RAVER1: variants seen among roughly 807,000 people sequenced by gnomAD.
RAVER1 encodes ribonucleoprotein PTB-binding 1.
A neutral mutation model predicts 68.4 loss-of-function variants in RAVER1; 36 were observed. That is an observed-to-expected ratio of 0.53 (90% CI 0.40 to 0.70). The LOEUF is 0.70. Ranked by LOEUF, RAVER1 falls within the 30% of genes least tolerant of loss-of-function variation. The pLI is 0.00. For missense variants in RAVER1, 933 were observed against 1,019.8 expected, an observed-to-expected ratio of 0.91 and a Z score of 1.16; for synonymous variants, 469 against 472.7, an observed-to-expected ratio of 0.99 and a Z score of 0.10.
chr19:10,325,234 GTTTTT>G (rs1266621613), intron 3 of RAVER1, among the ~76,000 whole-genome samples: 1 of 150,586 alleles, frequency 6.6e-6, no homozygotes, highest in Non-Finnish European at 1.5e-5. Flanking sequence ...TTTTTGTTTT[GTTTTT>G]TTTGAGACGG....
At position 10,323,642 on chromosome 19, in the gene RAVER1, C is replaced by G; in HGVS notation, c.757-76G>C. The G allele has an allele frequency of 6.8e-7, 1 of 1,463,426 alleles. No homozygotes were observed. The highest frequency in any genetic ancestry group is 1.3e-5 in the South Asian group (1 of 77,350). 90.7% of individuals were successfully genotyped at this position (1,463,426 alleles called of 1,614,324 possible). A position where few individuals can be genotyped will look rare whatever the true frequency, so the allele number is the denominator to read the frequency against. On this transcript the variant is annotated intron_variant, in intron 3 of 12. Transcript: ENST00000617231. The surrounding 1 kb of genome is among the most constrained non-coding windows in gnomAD (Gnocchi z 6.2). ...CCACCCCGGGAAGTGACAACCGTAA[C>G]CAGACTCAGCTGCCCCATAAGGGTG... is the stretch of plus-strand genomic sequence containing the variant.
chr19:10,322,588 G>C lies in RAVER1; in HGVS notation c.1173+57C>G. The C allele has an allele frequency of 7.9e-7, 1 of 1,266,108 alleles. No individual in the cohort carries two copies. Among genetic ancestry groups the C allele is most frequent in the South Asian group, 1.5e-5 (1 of 67,706 alleles). 78.4% of individuals were successfully genotyped at this position (1,266,108 alleles called of 1,614,324 possible). A position where few individuals can be genotyped will look rare whatever the true frequency, so the allele number is the denominator to read the frequency against. The stretch of plus-strand genomic sequence containing the variant: ...CCACCCCACCGATCGCACCAGCTGT[G>C]TTGAAAAGAGCCTGTAGGGGCTGTA... On this transcript the variant is annotated intron_variant, in intron 6 of 12. Transcript: ENST00000617231. This position sits in a 1 kb window ranked among gnomAD's most constrained non-coding sequence, Gnocchi z 4.3.
At position 10,317,763 on chromosome 19, in the gene RAVER1, G is replaced by C. The variant is rs2040403292; in HGVS notation, c.2000C>G (p.Ser667Cys). Residue 667 changes from serine (S) to cysteine (C), a missense_variant, in exon 12 of 13, where the codon TCT becomes TGT. Physicochemically the swap from Ser to Cys is moderately radical, Grantham distance 112. Coordinates refer to ENST00000617231, the MANE Select transcript of RAVER1 (RefSeq NM_133452.3). The surrounding 1 kb of genome is among the most constrained non-coding windows in gnomAD (Gnocchi z 4.3). ...KQSHLSKAIG[S>C]SPLGSGEGLL... ...CCCTTCTCCGGACCCCAGCGGGGAAGAGCCGATTGCCTGGGAGAAATGGAG... is the reference window on the plus strand; with the variant it reads ...CCCTTCTCCGGACCCCAGCGGGGAACAGCCGATTGCCTGGGAGAAATGGAG... 6.3e-7 allele frequency: 1 copy of C among 1,585,702 alleles called. No homozygotes were observed. The highest frequency in any genetic ancestry group is 8.6e-7 in the Non-Finnish European group (1 of 1,164,956).
At position 10,328,737 on chromosome 19, in the gene RAVER1, G is replaced by A. The variant is rs371524276; in HGVS notation, c.661C>T (p.Arg221Cys). Residue 221 changes from arginine (R) to cysteine (C), a missense_variant, in exon 3 of 13, where the codon CGC (arginine) becomes TGC (cysteine). By Grantham distance (180) the Arg-to-Cys change is radical (BLOSUM62 -3). Coordinates refer to ENST00000617231, the MANE Select transcript of RAVER1 (RefSeq NM_133452.3). The surrounding 1 kb of genome is among the most constrained non-coding windows in gnomAD (Gnocchi z 4.4). Reference sequence around the variant, plus strand: ...GGCAGGCGGTCCACACAGAGGCAGCGGGAGTGGAGAAGGGCAGGCGTCAGT... The same window carrying A: ...GGCAGGCGGTCCACACAGAGGCAGCAGGAGTGGAGAAGGGCAGGCGTCAGT... ...GQLTPALLHS[R>C]CLCVDRLPPG... 1.0e-4 allele frequency: 167 copies of A among 1,612,286 alleles called. No homozygotes were observed. The highest frequency in any genetic ancestry group is 1.3e-4 in the Non-Finnish European group (157 of 1,179,654).
In RAVER1 at chr19:10,333,283, C is replaced by G. The variant is rs746120264; in HGVS notation, c.219+6G>C. On this transcript the variant is annotated splice_donor_region_variant and intron_variant, in intron 1 of 12. Coordinates refer to ENST00000617231, the MANE Select transcript of RAVER1 (RefSeq NM_133452.3). This position sits in a 1 kb window ranked among gnomAD's most constrained non-coding sequence, Gnocchi z 4.2. ...CGCCACGCTCCTACACCGCCCCCCC[C>G]AATACCTGGTTGGTCACGTCCCCCG... The G allele has an allele frequency of 5.6e-6, 9 of 1,612,414 alleles. No homozygotes were observed. The highest frequency in any genetic ancestry group is 1.7e-5 in the Admixed American group (1 of 59,940).
At position 10,317,784 on chromosome 19, in the gene RAVER1, T is replaced by C. The variant is rs761547377; in HGVS notation, c.1990-11A>G. 2.0e-6 allele frequency: 3 copies of C among 1,520,208 alleles called. No individual in the cohort carries two copies. Among genetic ancestry groups the C allele is most frequent in the African/African-American group, 1.4e-5 (1 of 73,010 alleles). 94.2% of individuals were successfully genotyped at this position (1,520,208 alleles called of 1,614,324 possible). ...GGAAGAGCCGATTGCCTGGGAGAAA[T>C]GGAGAGGTGGAACAGGTCACTCCCT... On this transcript the variant is annotated splice_polypyrimidine_tract_variant and intron_variant, in intron 11 of 12. Coordinates refer to ENST00000617231, the MANE Select transcript of RAVER1 (RefSeq NM_133452.3). The surrounding 1 kb of genome is among the most constrained non-coding windows in gnomAD (Gnocchi z 4.3).
At position 10,322,793 on chromosome 19, in the gene RAVER1, C is replaced by T. The variant is rs191889742; in HGVS notation, c.1079-54G>A. The stretch of plus-strand genomic sequence containing the variant: ...GGGTCCCTGTGTCCTCCCTGCCCCA[C>T]CTCACGAAACACAGCCCTGAACCCA... On this transcript the variant is annotated intron_variant, in intron 5 of 12. Coordinates refer to ENST00000617231, the MANE Select transcript of RAVER1 (RefSeq NM_133452.3). The surrounding 1 kb of genome is among the most constrained non-coding windows in gnomAD (Gnocchi z 4.3). 3 of 1,078,976 alleles carry T rather than the reference C, an allele frequency of 2.8e-6. No homozygotes were observed. Among genetic ancestry groups the T allele is most frequent in the African/African-American group, 1.7e-5 (1 of 60,442 alleles). The allele number at this position is 1,078,976 out of a possible 1,614,324, so 66.8% of individuals were successfully genotyped here.
chr19:10,321,950 G>C, intron 6 of RAVER1: 1 of 199,750 alleles, frequency 5.0e-6, no homozygotes, highest in Non-Finnish European at 1.0e-5. Flanking sequence ...CACATATTCT[G>C]TCAGTTACCA....
At position 10,319,173 on chromosome 19, in the gene RAVER1, C is replaced by A; in HGVS notation, c.1838G>T (p.Arg613Leu). Reference protein sequence around the residue: ...EPALGPHGPSRHKMSPPPSGF... With the variant: ...EPALGPHGPSLHKMSPPPSGF... The stretch of plus-strand genomic sequence containing the variant: ...ATACCAGGTGGCTCTTACCTTGTGT[C>A]GGCTGGGTCCGTGAGGCCCAAGGGC... Residue 613 changes from arginine to leucine, a missense_variant, in exon 10 of 13, where the codon CGA (arginine) becomes CTA (leucine). By Grantham distance (102) the Arg-to-Leu change is moderately radical. Transcript: ENST00000617231. 6.2e-7 allele frequency: 1 copy of A among 1,613,720 alleles called. No individual in the cohort carries two copies. Among genetic ancestry groups the A allele is most frequent in the South Asian group, 1.1e-5 (1 of 91,052 alleles).
intron 3 of RAVER1, among the ~76,000 whole-genome samples, chr19:10,327,697 T>C (rs1438034451): frequency 6.6e-6 from 1 of 152,188 alleles, no homozygotes; most frequent in Non-Finnish European, 1.5e-5. Context: ...TGCCTTGGTA[T>C]CCTCACCTGA....
chr19:10,328,840 A>T lies in RAVER1; in HGVS notation c.558T>A (p.Ala186=). The change falls in exon 3 of 13, where the codon GCT becomes GCA. Residue 186 remains alanine (A), a synonymous_variant. Transcript: ENST00000617231. The surrounding 1 kb of genome is among the most constrained non-coding windows in gnomAD (Gnocchi z 4.4). ...GFAEYMKKDS[A]ARAKSDLLGK... ...CCAGCAGGTCCGACTTGGCACGGGC[A>T]GCCGAGTCCTTCTTCATGTACTCAG... The T allele has an allele frequency of 6.2e-7, 1 of 1,613,226 alleles. No homozygotes were observed. Among genetic ancestry groups the T allele is most frequent in the Non-Finnish European group, 8.5e-7 (1 of 1,179,840 alleles).
At chr19:10,324,909 G>A (rs1360563533) in intron 3 of RAVER1, among the ~76,000 whole-genome samples, 1 of 152,218 alleles carries the variant, frequency 6.6e-6, no homozygotes, top group East Asian at 1.9e-4. Context: ...GGTGAGACCA[G>A]GCCCAGTGGC....
rs2040496503 is a variant in RAVER1 at position 10,329,092 on chromosome 19, A to G, written c.306T>C (p.Asn102=). 1 of 1,489,850 alleles carries G rather than the reference A, an allele frequency of 6.7e-7. No homozygotes were observed. The highest frequency in any genetic ancestry group is 1.4e-5 in the South Asian group (1 of 72,798). 92.3% of individuals were successfully genotyped at this position (1,489,850 alleles called of 1,614,324 possible). A position where few individuals can be genotyped will look rare whatever the true frequency, so the allele number is the denominator to read the frequency against. Residue 102 remains asparagine, a synonymous_variant, in exon 3 of 13, where the codon AAT becomes AAC. Coordinates refer to ENST00000617231, the MANE Select transcript of RAVER1 (RefSeq NM_133452.3). The surrounding 1 kb of genome is among the most constrained non-coding windows in gnomAD (Gnocchi z 4.6). ...YKGTAFVTLL[N]GEQAEAAINA... ...TGATTGCGGCCTCGGCCTGCTCCCC[A>G]TTCAGCAGGGTCACGAAGGCTGCGG...
In RAVER1 at chr19:10,317,496, G is replaced by A; in HGVS notation, c.2178C>T (p.Gly726=). 1 of 1,613,754 alleles carries A rather than the reference G, an allele frequency of 6.2e-7. No individual in the cohort carries two copies. Among genetic ancestry groups the A allele is most frequent in the Non-Finnish European group, 8.5e-7 (1 of 1,179,644 alleles). ...YVGQHSQGLG[G]HYADSYLKRK... The stretch of plus-strand genomic sequence containing the variant: ...GCTTCAGGTAGGAGTCCGCGTAGTG[G>A]CCGCCGAGGCCCTGGGAGTGCTGGC... Residue 726 remains glycine, a synonymous_variant, in exon 13 of 13, where the codon GGC becomes GGT. Transcript: ENST00000617231. This position sits in a 1 kb window ranked among gnomAD's most constrained non-coding sequence, Gnocchi z 4.3.
chr19:10,318,206 G>C, intron 11 of RAVER1, 23 bp downstream of exon 11: 1 of 1,587,542 alleles, frequency 6.3e-7, no homozygotes, highest in Non-Finnish European at 8.6e-7. Flanking sequence ...GGGGGCCTGT[G>C]CTTGGCCAGA....
Position 10,330,505 on chromosome 19 carries a change from C to A in RAVER1, c.241G>T (p.Asp81Tyr). ...TNQEVHDLLS[D>Y]YELKYCFVDK... ...ACAAAACAGTATTTGAGCTCATAGTCACTGAGCAGGTCATGTACTTCCTGT... is the reference window on the plus strand; with the variant it reads ...ACAAAACAGTATTTGAGCTCATAGTAACTGAGCAGGTCATGTACTTCCTGT... Residue 81 changes from aspartate to tyrosine, a missense_variant, in exon 2 of 13, where the codon GAC becomes TAC. Physicochemically the swap from Asp to Tyr is radical, Grantham distance 160. Coordinates refer to ENST00000617231, the MANE Select transcript of RAVER1 (RefSeq NM_133452.3). 1 of 1,528,506 alleles carries A rather than the reference C, an allele frequency of 6.5e-7. No homozygotes were observed. Among genetic ancestry groups the A allele is most frequent in the South Asian group, 1.2e-5 (1 of 84,628 alleles). The allele number at this position is 1,528,506 out of a possible 1,614,324, so 94.7% of individuals were successfully genotyped here.
Position 10,317,855 on chromosome 19 carries a change from C to G in RAVER1, c.1990-82G>C, listed in dbSNP as rs1029807426. On this transcript the variant is annotated intron_variant, in intron 11 of 12. Transcript: ENST00000617231. The surrounding 1 kb of genome is among the most constrained non-coding windows in gnomAD (Gnocchi z 4.3). ...ACCCCGCCCCCCTGCCACTGCCCCC[C>G]AGCCCTGAGGGAAAGCGAACAGTTT... The G allele has an allele frequency of 1.0e-4, 83 of 813,318 alleles. No homozygotes were observed. The highest frequency in any genetic ancestry group is 3.4e-4 in the Middle Eastern group (1 of 2,918). The allele number at this position is 813,318 out of a possible 1,614,324, so 50.4% of individuals were successfully genotyped here.
Position 10,322,814 on chromosome 19 carries a change from A to C in RAVER1, c.1079-75T>G. 1 of 878,258 alleles carries C rather than the reference A, an allele frequency of 1.1e-6. No individual in the cohort carries two copies. The highest frequency in any genetic ancestry group is 1.7e-6 in the Non-Finnish European group (1 of 604,562). 54.4% of individuals were successfully genotyped at this position (878,258 alleles called of 1,614,324 possible). ...CCCACCTCACGAAACACAGCCCTGA[A>C]CCCATTGATGGGGCAGGAAACTGAC... On this transcript the variant is annotated intron_variant, in intron 5 of 12. Coordinates refer to ENST00000617231, the MANE Select transcript of RAVER1 (RefSeq NM_133452.3). This position sits in a 1 kb window ranked among gnomAD's most constrained non-coding sequence, Gnocchi z 4.3.
chr19:10,319,929 C>T (rs1005799555), intron 9 of RAVER1, among the ~76,000 whole-genome samples: 1 of 151,916 alleles, frequency 6.6e-6, no homozygotes, highest in African/African-American at 2.4e-5. Flanking sequence ...CATGAGCCAC[C>T]GTGCCTGGCC....
Sources: gnomAD v4.1 joint callset for allele counts (sites outside exome capture counted in the v4.1 genomes callset) on GRCh38, gnomAD v4.1.1 for gene constraint, Gnocchi (gnomAD v3.1) non-coding constraint, MANE v1.5 for transcripts, NCBI Gene and HGNC (gene_info 2026-07-23, HGNC 2026-07-21) for gene names.